Variants in TBC1D5 observed in about 807,000 individuals in gnomAD.
The protein encoded by TBC1D5 is TBC1 domain family member 5.
In TBC1D5, 75 loss-of-function variants were observed where a neutral mutation model predicts 100.3. The observed-to-expected ratio is 0.75, with a 90% CI of 0.62 to 0.91. The LOEUF (loss-of-function observed/expected upper bound fraction) is 0.91, where lower values mean the gene tolerates loss of function less well. Among genes scored for constraint, TBC1D5 ranks in the 40% least tolerant of loss-of-function variants. TBC1D5 has a pLI of 0.00. For synonymous variants in TBC1D5, 323 were observed against 325.6 expected (o/e 0.99, Z 0.09); for missense variants, 910 against 942.4 (o/e 0.97, Z 0.45).
At chr3:17,724,675 A>T (rs1242375751) in intron 1 of TBC1D5, among the ~76,000 whole-genome samples, 3 of 152,128 alleles carry the variant, frequency 2.0e-5, no homozygotes, top group Non-Finnish European at 2.9e-5. Context: ...AAACATTCTC[A>T]ACTATTATCT....
chr3:17,388,075 T>C lies in TBC1D5; in HGVS notation c.510-4060A>G, dbSNP rs115409460. On this transcript the variant is annotated intron_variant, in intron 8 of 21. Transcript: ENST00000253692. ...TAAAAATAGAGATGAACAGCAAAGATTAAGTAGTCCATAATGGAATTTAGA... is the reference window on the plus strand; with the variant it reads ...TAAAAATAGAGATGAACAGCAAAGACTAAGTAGTCCATAATGGAATTTAGA... 3.4e-3 allele frequency among the ~76,000 whole-genome samples: 517 copies of C among 152,174 alleles called. 2 individuals are homozygous for C. Among genetic ancestry groups the C allele is most frequent in the African/African-American group, 0.012 (503 of 41,536 alleles).
intron 1 of TBC1D5, among the ~76,000 whole-genome samples, chr3:17,686,078 T>C (rs1240229996): frequency 4.6e-5 from 7 of 152,114 alleles, no homozygotes; most frequent in African/African-American, 1.2e-4. Flanking sequence ...GCTGTTACAA[T>C]TGGCGGGATT....
At chr3:17,714,973 C>T (rs968930465) in intron 1 of TBC1D5, among the ~76,000 whole-genome samples, 3 of 152,100 alleles carry the variant, frequency 2.0e-5, no homozygotes, top group Non-Finnish European at 4.4e-5. Context: ...GAGTTTAAGA[C>T]ACACTAGACT....
intron 2 of TBC1D5, among the ~76,000 whole-genome samples, chr3:17,557,298 G>C (rs924874922): frequency 6.6e-6 from 1 of 152,148 alleles, no homozygotes. Context: ...AACCAAGAGG[G>C]ATAGGCTCCC....
intron 1 of TBC1D5, among the ~76,000 whole-genome samples, chr3:17,711,805 G>T (rs1329614120): frequency 6.6e-6 from 1 of 152,154 alleles, no homozygotes. Flanking sequence ...GTTACAAGCA[G>T]TGCTTTTATG....
At chr3:17,262,123 T>TA (rs2078363898) in intron 15 of TBC1D5, among the ~76,000 whole-genome samples, 1 of 152,178 alleles carries the variant, frequency 6.6e-6, no homozygotes, top group African/African-American at 2.4e-5. Context: ...AATGTGTCAT[T>TA]AGGTGATTTC....
intron 20 of TBC1D5, 47 bp from the exon 22 acceptor site, chr3:17,166,975 G>A: frequency 6.5e-7 from 1 of 1,529,832 alleles, no homozygotes; most frequent in Non-Finnish European, 8.8e-7. Context: ...GGATGAGTTT[G>A]TTTTCAGATG....
At chr3:17,303,356 G>A (rs2083054834) in intron 14 of TBC1D5, among the ~76,000 whole-genome samples, 1 of 152,140 alleles carries the variant, frequency 6.6e-6, no homozygotes, top group Non-Finnish European at 1.5e-5. Context: ...CCATATACTG[G>A]TAAACACTGG....
intron 1 of TBC1D5, among the ~76,000 whole-genome samples, chr3:17,705,080 A>G (rs1174390214): frequency 8.4e-4 from 66 of 78,574 alleles, no homozygotes; most frequent in Admixed American, 1.7e-3. Context: ...CCCGGACGGC[A>G]CGGCTGGCCA....
Position 17,533,777 on chromosome 3 carries a change from T to C in TBC1D5, c.-35-25172A>G, listed in dbSNP as rs557787142. On this transcript the variant is annotated intron_variant, in intron 2 of 21. Coordinates refer to ENST00000253692, the Ensembl canonical transcript of TBC1D5. ...TTCTTTTAGTATTATGTTATTCTAC[T>C]TTTGCTTCTGAAATGATTTACTGAT... 2.0e-5 allele frequency among the ~76,000 whole-genome samples: 3 copies of C among 152,280 alleles called. No homozygotes were observed. In the South Asian group the frequency reaches 6.2e-4, roughly 32 times the overall value.
At chr3:17,581,567 C>G (rs142432681) in intron 2 of TBC1D5, among the ~76,000 whole-genome samples, 1 of 152,294 alleles carries the variant, frequency 6.6e-6, no homozygotes, top group Non-Finnish European at 1.5e-5. Context: ...AGGCCAAACA[C>G]TCTTGGAGTC....
chr3:17,696,939 G>T (rs1472562863), intron 1 of TBC1D5, among the ~76,000 whole-genome samples: 1 of 152,154 alleles, frequency 6.6e-6, no homozygotes. Context: ...GGGATGCAAG[G>T]CTGATTCAAC....
At chr3:17,165,157 T>G (rs1477382539) in intron 21 of TBC1D5, among the ~76,000 whole-genome samples, 1 of 152,152 alleles carries the variant, frequency 6.6e-6, no homozygotes, top group Non-Finnish European at 1.5e-5. Context: ...CATGGCTAGC[T>G]TATCTTGGGT....
chr3:17,612,944 G>A (rs1213230252), intron 2 of TBC1D5, among the ~76,000 whole-genome samples: 2 of 139,134 alleles, frequency 1.4e-5, no homozygotes, highest in Non-Finnish European at 3.1e-5. Flanking sequence ...ATGCAAATTT[G>A]TTACATATGT....
intron 3 of TBC1D5, among the ~76,000 whole-genome samples, chr3:17,453,610 T>C (rs924467311): frequency 3.2e-4 from 49 of 152,104 alleles, no homozygotes; most frequent in African/African-American, 1.1e-3. Context: ...CATGAAGAAA[T>C]CCAAAACCTG....
intron 17 of TBC1D5, among the ~76,000 whole-genome samples, chr3:17,235,683 CA>C: frequency 6.6e-6 from 1 of 152,216 alleles, no homozygotes. Flanking sequence ...GGGATTAGCC[CA>C]AATCTCTTAT....
At chr3:17,597,597 A>T (rs1449993650) in intron 2 of TBC1D5, among the ~76,000 whole-genome samples, 2 of 152,224 alleles carry the variant, frequency 1.3e-5, no homozygotes, top group Non-Finnish European at 2.9e-5. Flanking sequence ...TTATACAGCC[A>T]AATATCCCCA....
At chr3:17,731,268 C>T (rs568005904) in intron 1 of TBC1D5, among the ~76,000 whole-genome samples, 6 of 151,880 alleles carry the variant, frequency 4.0e-5, no homozygotes, top group East Asian at 3.9e-4. Flanking sequence ...TTTGGGAGGC[C>T]GAGGCGGGCG....
At chr3:17,403,400 T>C (rs1022058717) in intron 7 of TBC1D5, 152 bp from the exon 8 acceptor site, 1 of 435,094 alleles carries the variant, frequency 2.3e-6, no homozygotes, top group Admixed American at 4.2e-5. Context: ...TAATTTTTAT[T>C]AAAATCTAAT....
Sources: allele counts gnomAD v4.1 joint callset (sites outside exome capture counted in the v4.1 genomes callset), GRCh38; gene constraint gnomAD v4.1.1; transcripts MANE v1.5; gene names NCBI Gene and HGNC (gene_info 2026-07-23, HGNC 2026-07-21).